The following NELL1 variants were observed in gnomAD, a reference collection of about 807,000 sequenced individuals.
The protein encoded by NELL1 is protein kinase C-binding protein NELL1.
Under a neutral mutation model 107.4 loss-of-function variants are expected in NELL1, and 76 were observed. The observed-to-expected ratio is 0.71, with a 90% CI of 0.59 to 0.86. The LOEUF (loss-of-function observed/expected upper bound fraction) is 0.86. NELL1 is among the 40% of genes least tolerant of loss of function. The pLI, the probability that NELL1 is intolerant of heterozygous loss-of-function variation, is 0.00. For missense variants in NELL1, 1,024 were observed against 1,005.5 expected, an observed-to-expected ratio of 1.02 and a Z score of -0.25; for synonymous variants, 353 against 341.2, an observed-to-expected ratio of 1.03 and a Z score of -0.38.
chr11:20,739,593 T>G (rs1855841849), intron 2 of NELL1, among the ~76,000 whole-genome samples: 1 of 152,198 alleles, frequency 6.6e-6, no homozygotes, highest in Non-Finnish European at 1.5e-5. Context: ...CAGTGTCTTC[T>G]GAGAATCCTC....
chr11:21,265,777 C>T (rs1309111369), intron 14 of NELL1, among the ~76,000 whole-genome samples: 1 of 151,856 alleles, frequency 6.6e-6, no homozygotes, highest in Non-Finnish European at 1.5e-5. Flanking sequence ...TTCATATTTT[C>T]CTTTTTAAGG....
chr11:20,695,739 G>A (rs1854597548), intron 2 of NELL1, among the ~76,000 whole-genome samples: 3 of 151,974 alleles, frequency 2.0e-5, no homozygotes, highest in Admixed American at 6.6e-5. Flanking sequence ...TATAGTTTTA[G>A]TTTTTCATTG....
At chr11:20,859,353 C>G (rs2134071499) in intron 4 of NELL1, among the ~76,000 whole-genome samples, 2 of 152,338 alleles carry the variant, frequency 1.3e-5, no homozygotes, top group East Asian at 1.9e-4. Context: ...AAGACTCCCT[C>G]TTTCCTGGAA....
chr11:20,928,336 G>A (rs752196888), intron 8 of NELL1, 41 bp from the exon 9 acceptor site: 2 of 1,544,286 alleles, frequency 1.3e-6, no homozygotes, highest in Non-Finnish European at 1.8e-6. Context: ...AGCTATCAAA[G>A]GATACTTCTG....
At chr11:20,938,406 G>C (rs1850772772) in intron 10 of NELL1, among the ~76,000 whole-genome samples, 2 of 152,120 alleles carry the variant, frequency 1.3e-5, no homozygotes, top group Non-Finnish European at 2.9e-5. Context: ...ACAAAACAAA[G>C]TCACTGTCTT....
chr11:20,942,099 G>A (rs1432622889), intron 10 of NELL1, among the ~76,000 whole-genome samples: 1 of 152,200 alleles, frequency 6.6e-6, no homozygotes, highest in Non-Finnish European at 1.5e-5. Context: ...AAAAGAATGA[G>A]GCATTTAGAG....
At chr11:21,364,010 C>T (rs1005179067) in intron 14 of NELL1, among the ~76,000 whole-genome samples, 8 of 152,148 alleles carry the variant, frequency 5.3e-5, no homozygotes, top group Non-Finnish European at 1.2e-4. Context: ...GCCATATTGT[C>T]TCTGTTATAC....
chr11:20,674,367 C>T, intron 1 of NELL1: 3 of 735,564 alleles, frequency 4.1e-6, no homozygotes, highest in African/African-American at 1.8e-5. Context: ...CTGGGCACCA[C>T]CTATGTGCCA....
At chr11:20,803,371 C>T (rs932157891) in intron 3 of NELL1, among the ~76,000 whole-genome samples, 18 of 152,094 alleles carry the variant, frequency 1.2e-4, no homozygotes, top group African/African-American at 4.3e-4. Context: ...TCTAATGATC[C>T]TTTGAATTTC....
intron 12 of NELL1, among the ~76,000 whole-genome samples, chr11:20,979,923 G>T (rs552052468): frequency 6.6e-4 from 101 of 152,214 alleles, no homozygotes; most frequent in African/African-American, 2.4e-3. Flanking sequence ...TCCTTGAAGT[G>T]ACATGCAACA....
At chr11:20,918,106 G>A (rs1224544079) in intron 5 of NELL1, 76 bp from the exon 6 acceptor site, 1 of 823,384 alleles carries the variant, frequency 1.2e-6, no homozygotes, top group African/African-American at 1.7e-5. Context: ...GACCTGCCAA[G>A]AGTATGTGAT....
chr11:21,567,899 T>C (rs1857008268), intron 17 of NELL1, among the ~76,000 whole-genome samples: 1 of 151,882 alleles, frequency 6.6e-6, no homozygotes, highest in Admixed American at 6.6e-5. Flanking sequence ...GTATACTTGC[T>C]GCCCCTAAAC....
intron 16 of NELL1, among the ~76,000 whole-genome samples, chr11:21,545,016 T>G (rs145955465): frequency 2.9e-4 from 44 of 152,108 alleles, no homozygotes; most frequent in African/African-American, 9.6e-4. Context: ...TGTATTACTT[T>G]TTTAAAATGT....
At chr11:21,173,596 G>C (rs187962874) in intron 13 of NELL1, among the ~76,000 whole-genome samples, 1 of 151,838 alleles carries the variant, frequency 6.6e-6, no homozygotes. Context: ...GAGCAAACTA[G>C]GTACTGAATG....
chr11:21,493,046 T>C (rs1045858281), intron 15 of NELL1, among the ~76,000 whole-genome samples: 3 of 151,914 alleles, frequency 2.0e-5, no homozygotes, highest in Non-Finnish European at 4.4e-5. Flanking sequence ...TCATCTTATC[T>C]TACTCCAGTT....
chr11:21,071,997 G>A (rs1240544953), intron 12 of NELL1, among the ~76,000 whole-genome samples: 2 of 152,142 alleles, frequency 1.3e-5, no homozygotes, highest in Non-Finnish European at 2.9e-5. Context: ...AAGCCCATGA[G>A]AAGCAAAAAT....
intron 12 of NELL1, among the ~76,000 whole-genome samples, chr11:21,050,405 C>T (rs886143577): frequency 1.3e-5 from 2 of 151,328 alleles, no homozygotes; most frequent in Non-Finnish European, 2.9e-5. Flanking sequence ...TTGAGACAAT[C>T]TATTTTAAAT....
At chr11:21,096,644 T>C (rs1854649663) in intron 12 of NELL1, among the ~76,000 whole-genome samples, 1 of 152,202 alleles carries the variant, frequency 6.6e-6, no homozygotes, top group Non-Finnish European at 1.5e-5. Flanking sequence ...ACCATCATTC[T>C]AGGCAGAAGT....
At chr11:20,999,025 A>G (rs1348078045) in intron 12 of NELL1, among the ~76,000 whole-genome samples, 1 of 152,158 alleles carries the variant, frequency 6.6e-6, no homozygotes, top group Non-Finnish European at 1.5e-5. Context: ...ACATTTGGCT[A>G]AGTTCAGGTT....
Sources: allele counts gnomAD v4.1 joint callset (sites outside exome capture counted in the v4.1 genomes callset), GRCh38; gene constraint gnomAD v4.1.1; transcripts MANE v1.5; gene names NCBI Gene and HGNC (gene_info 2026-07-23, HGNC 2026-07-21).